QSOX1: variants seen among roughly 807,000 people sequenced by gnomAD.
QSOX1 encodes the protein sulfhydryl oxidase 1.
QSOX1 carries 40 observed loss-of-function variants against 76.1 expected under a neutral mutation model. That is an observed-to-expected ratio of 0.53 (90% CI 0.41 to 0.68). QSOX1 has a LOEUF of 0.68. Ranked by LOEUF, QSOX1 falls within the 30% of genes least tolerant of loss-of-function variation. The pLI is 0.00. For missense variants in QSOX1, 931 were observed against 974.3 expected, an observed-to-expected ratio of 0.96 and a Z score of 0.59; for synonymous variants, 392 against 413.1, an observed-to-expected ratio of 0.95 and a Z score of 0.62.
At position 180,174,116 on chromosome 1, in the gene QSOX1, G is replaced by A. The variant is rs115262517; in HGVS notation, c.367-1205G>A. 6.1e-3 allele frequency among the ~76,000 whole-genome samples: 937 copies of A among 152,366 alleles called. 9 individuals are homozygous for A. The highest frequency in any genetic ancestry group is 0.021 in the African/African-American group (886 of 41,594). The stretch of plus-strand genomic sequence containing the variant: ...GTCCAAGGTAGTGAAAAGTGGCCCC[G>A]AGGCTAGAGTCCCACAGGAAGAAGC... On this transcript the variant is annotated intron_variant, in intron 2 of 11. Coordinates refer to ENST00000367602, the MANE Select transcript of QSOX1 (RefSeq NM_002826.5).
intron 2 of QSOX1, among the ~76,000 whole-genome samples, chr1:180,168,186 C>T (rs991321034): frequency 5.3e-5 from 8 of 152,264 alleles, no homozygotes; most frequent in Non-Finnish European, 7.3e-5. Flanking sequence ...GGCTCCTCAG[C>T]GCCACCCCAT....
intron 1 of QSOX1, among the ~76,000 whole-genome samples, chr1:180,165,807 T>C (rs977912873): frequency 3.3e-5 from 5 of 152,250 alleles, no homozygotes; most frequent in African/African-American, 1.2e-4. Flanking sequence ...GTTCCTGGGC[T>C]GTGGCCCAGA....
chr1:180,158,629 A>G (rs765324112), intron 1 of QSOX1, among the ~76,000 whole-genome samples: 2 of 152,170 alleles, frequency 1.3e-5, no homozygotes, highest in Non-Finnish European at 2.9e-5. Context: ...AGTGCTGACT[A>G]GCTGGACAGG....
intron 10 of QSOX1, 108 bp from the exon 11 acceptor site, chr1:180,194,105 C>CT (rs1184382955): frequency 1.2e-5 from 12 of 1,022,978 alleles, no homozygotes; most frequent in Non-Finnish European, 1.7e-5. Context: ...GGCACCTGTG[C>CT]AGGGGTGGCC....
rs181624042 is a variant in QSOX1, at chr1:180,197,787, C to A, written c.*750C>A. On this transcript the variant is annotated 3_prime_UTR_variant, in exon 12 of 12. Coordinates refer to ENST00000367602, the MANE Select transcript of QSOX1 (RefSeq NM_002826.5). ...AGAAGATGGCTGCTTTCACTTCCCC[C>A]CATTGAGCTCTGCTCCCTCTGAGCC... is the stretch of plus-strand genomic sequence containing the variant. The A allele has an allele frequency of 1.1e-5, 3 of 263,444 alleles. No homozygotes were observed. The highest frequency in any genetic ancestry group is 4.3e-5 in the South Asian group (1 of 22,990). 16.3% of individuals were successfully genotyped at this position (263,444 alleles called of 1,614,324 possible). A position where few individuals can be genotyped will look rare whatever the true frequency, so the allele number is the denominator to read the frequency against.
Position 180,200,528 on chromosome 1 carries a change from G to T in QSOX1, c.*3491G>T, listed in dbSNP as rs1663615116. The T allele has an allele frequency of 6.6e-6, 1 of 152,214 alleles. No homozygotes were observed. The highest frequency in any genetic ancestry group is 2.1e-4 in the South Asian group (1 of 4,834). 9.4% of individuals were successfully genotyped at this position (152,214 alleles called of 1,614,324 possible). On this transcript the variant is annotated 3_prime_UTR_variant, in exon 12 of 12. Transcript: ENST00000367602. ...ACAGTAGTATGGATTTCCTTCATGAGATGGGGCTCCTAAAATGCCTGAAAT... is the reference window on the plus strand; with the variant it reads ...ACAGTAGTATGGATTTCCTTCATGATATGGGGCTCCTAAAATGCCTGAAAT...
chr1:180,155,000 G>A lies in QSOX1; in HGVS notation c.93G>A (p.Pro31=). The A allele has an allele frequency of 6.6e-7, 1 of 1,510,004 alleles. No homozygotes were observed. The highest frequency in any genetic ancestry group is 8.8e-7 in the Non-Finnish European group (1 of 1,136,762). 93.5% of individuals were successfully genotyped at this position (1,510,004 alleles called of 1,614,324 possible). Residue 31 remains proline (P), a synonymous_variant, in exon 1 of 12, where the codon CCG becomes CCA. Coordinates refer to ENST00000367602, the MANE Select transcript of QSOX1 (RefSeq NM_002826.5). Reference sequence around the variant, plus strand: ...CGGTTCCCGGCGCTAACGCGGCCCCGCGGTCGGCGCTCTATTCGCCTTCCG... The same window carrying A: ...CGGTTCCCGGCGCTAACGCGGCCCCACGGTCGGCGCTCTATTCGCCTTCCG... The part of the protein sequence containing the change: ...LLAVPGANAA[P]RSALYSPSDP...
chr1:180,182,936 T>C (rs1439598068), intron 6 of QSOX1, among the ~76,000 whole-genome samples: 1 of 152,014 alleles, frequency 6.6e-6, no homozygotes, highest in Non-Finnish European at 1.5e-5. Context: ...GGTGAGCTGC[T>C]CCTCGGGGCC....
intron 2 of QSOX1, among the ~76,000 whole-genome samples, chr1:180,170,037 G>A (rs1035723103): frequency 8.5e-5 from 13 of 152,194 alleles, no homozygotes; most frequent in Non-Finnish European, 1.6e-4. Context: ...GGCAGGGCGA[G>A]GTGGCGTGTT....
intron 10 of QSOX1, among the ~76,000 whole-genome samples, chr1:180,193,734 G>A (rs1663382338): frequency 6.6e-6 from 1 of 152,060 alleles, no homozygotes; most frequent in Non-Finnish European, 1.5e-5. Flanking sequence ...AGAGCGAGGA[G>A]AGATGGAGAC....
intron 2 of QSOX1, among the ~76,000 whole-genome samples, chr1:180,170,809 G>A (rs73038497): frequency 0.028 from 4,307 of 152,338 alleles, 114 homozygotes; most frequent in East Asian, 0.064. Context: ...AAAGGGCAGA[G>A]ATTCTCTGTT....
rs766306594 is a variant in QSOX1 at position 180,183,943 on chromosome 1, C to T, written c.780C>T (p.Thr260=). 5.2e-5 allele frequency: 84 copies of T among 1,613,652 alleles called. No homozygotes were observed. Among genetic ancestry groups the T allele is most frequent in the Non-Finnish European group, 6.4e-5 (76 of 1,179,676 alleles). ...PVLMESRSFY[T]AYLQRLSGLT... ...TCATGGAATCCAGGTCCTTCTATAC[C>T]GCTTACCTGCAGAGACTCTCTGGGC... Residue 260 remains threonine (T), a synonymous_variant, in exon 7 of 12, where the codon ACC becomes ACT. Transcript: ENST00000367602.
intron 2 of QSOX1, among the ~76,000 whole-genome samples, chr1:180,172,693 A>G (rs1025024187): frequency 6.6e-6 from 1 of 151,956 alleles, no homozygotes; most frequent in Non-Finnish European, 1.5e-5. Context: ...TAATTTTTAT[A>G]TTTTTAGTAG....
rs577852477 is a variant in QSOX1 at position 180,200,836 on chromosome 1, G to A, written c.*3799G>A. 1 of 152,144 alleles carries A rather than the reference G, an allele frequency of 6.6e-6. No individual in the cohort carries two copies. The highest frequency in any genetic ancestry group is 2.4e-5 in the African/African-American group (1 of 41,418). The allele number at this position is 152,144 out of a possible 1,614,324, so 9.4% of individuals were successfully genotyped here. On this transcript the variant is annotated 3_prime_UTR_variant, in exon 12 of 12. Coordinates refer to ENST00000367602, the MANE Select transcript of QSOX1 (RefSeq NM_002826.5). ...ATTCTGTTTCATGTCCTGTTCCATC[G>A]GTAGAGTTACACACTTTCCTGAGAC...
chr1:180,197,114 C>G lies in QSOX1; in HGVS notation c.*77C>G. 1 of 1,467,676 alleles carries G rather than the reference C, an allele frequency of 6.8e-7. No homozygotes were observed. Among genetic ancestry groups the G allele is most frequent in the Non-Finnish European group, 9.1e-7 (1 of 1,098,086 alleles). 90.9% of individuals were successfully genotyped at this position (1,467,676 alleles called of 1,614,324 possible). ...GCCCCCTGACCCCATTCCCTCCCCT[C>G]CCACCCCTTGCTCCTTGTCTGGCCT... On this transcript the variant is annotated 3_prime_UTR_variant, in exon 12 of 12. Transcript: ENST00000367602.
intron 2 of QSOX1, among the ~76,000 whole-genome samples, chr1:180,169,528 C>T (rs1364787539): frequency 3.9e-5 from 6 of 152,246 alleles, no homozygotes; most frequent in Non-Finnish European, 7.3e-5. Context: ...GGGATGATAA[C>T]ATCCACCTAA....
chr1:180,184,253 C>T (rs1337436119), intron 7 of QSOX1, among the ~76,000 whole-genome samples: 1 of 152,204 alleles, frequency 6.6e-6, no homozygotes, highest in African/African-American at 2.4e-5. Flanking sequence ...GCTGCGGTGC[C>T]TCTGGTGTCT....
At position 180,202,011 on chromosome 1, in the gene QSOX1, C is replaced by T. The variant is rs1402718232; in HGVS notation, c.*4974C>T. ...CTGCCGGCTGAGTCTCTCTGGCCACCCTCACTGGCCCCATCACTCCAGGTT... is the reference window on the plus strand; with the variant it reads ...CTGCCGGCTGAGTCTCTCTGGCCACTCTCACTGGCCCCATCACTCCAGGTT... On this transcript the variant is annotated 3_prime_UTR_variant, in exon 12 of 12. Transcript: ENST00000367602. 6.6e-6 allele frequency: 1 copy of T among 152,258 alleles called. No homozygotes were observed. The allele number at this position is 152,258 out of a possible 1,614,324, so 9.4% of individuals were successfully genotyped here. A position where few individuals can be genotyped will look rare whatever the true frequency, so the allele number is the denominator to read the frequency against.
At chr1:180,164,955 G>A (rs1333453303) in intron 1 of QSOX1, among the ~76,000 whole-genome samples, 3 of 152,090 alleles carry the variant, frequency 2.0e-5, no homozygotes, top group Non-Finnish European at 4.4e-5. Context: ...CCTATTTTAA[G>A]CAATCAGATC....
Sources: allele counts gnomAD v4.1 joint callset (sites outside exome capture counted in the v4.1 genomes callset), GRCh38; gene constraint gnomAD v4.1.1; transcripts MANE v1.5; gene names NCBI Gene and HGNC (gene_info 2026-07-23, HGNC 2026-07-21).